Variants in GULP1 observed in about 807,000 individuals in gnomAD.
The protein encoded by GULP1 is GULP PTB domain containing engulfment adaptor 1.
In GULP1, 19 loss-of-function variants were observed where a neutral mutation model predicts 40.9. The observed-to-expected ratio is 0.46, with a 90% CI of 0.32 to 0.68. The LOEUF is 0.68. Among genes scored for constraint, GULP1 ranks in the 30% least tolerant of loss-of-function variants. The probability of loss-of-function intolerance (pLI) is 0.03; values close to 1 mark genes in which losing one functional copy is unlikely to be tolerated. For synonymous variants in GULP1, 119 were observed against 117.6 expected (o/e 1.01, Z -0.08); for missense variants, 312 against 362.2 (o/e 0.86, Z 1.12).
chr2:188,528,268 A>T (rs1686686884), intron 5 of GULP1, among the ~76,000 whole-genome samples: 1 of 152,118 alleles, frequency 6.6e-6, no homozygotes, highest in African/African-American at 2.4e-5. Context: ...TTGTGCCTAT[A>T]TTTTAAAATT....
chr2:188,412,975 A>T (rs1029029814), intron 2 of GULP1, among the ~76,000 whole-genome samples: 2 of 152,166 alleles, frequency 1.3e-5, no homozygotes, highest in African/African-American at 4.8e-5. Flanking sequence ...AACTTACCAA[A>T]TCTATTCACA....
rs1698702293 is a variant in GULP1, at chr2:188,570,105, A to G, written c.594A>G (p.Gln198=). The G allele has an allele frequency of 4.2e-6, 6 of 1,413,604 alleles. No homozygotes were observed. The highest frequency in any genetic ancestry group is 4.7e-5 in the East Asian group (2 of 42,818). The allele number at this position is 1,413,604 out of a possible 1,614,324, so 87.6% of individuals were successfully genotyped here. A position where few individuals can be genotyped will look rare whatever the true frequency, so the allele number is the denominator to read the frequency against. The change falls in exon 9 of 12, where the codon CAA becomes CAG. Residue 198 remains glutamine (Q), a synonymous_variant. Transcript: ENST00000409830. ...QDLENQLRIT[Q]VSAPPAGSMT... Reference sequence around the variant, plus strand: ...TGGAAAACCAACTGAGAATAACTCAAGTATCAGCACCTCCAGTGAGTATAT... The same window carrying G: ...TGGAAAACCAACTGAGAATAACTCAGGTATCAGCACCTCCAGTGAGTATAT...
intron 5 of GULP1, among the ~76,000 whole-genome samples, chr2:188,528,218 T>C (rs180934441): frequency 2.0e-5 from 3 of 152,244 alleles, no homozygotes; most frequent in African/African-American, 7.2e-5. Flanking sequence ...AAATATTGCA[T>C]GGGCTAACGT....
intron 1 of GULP1, among the ~76,000 whole-genome samples, chr2:188,326,232 A>G (rs2040743183): frequency 6.6e-6 from 1 of 152,142 alleles, no homozygotes; most frequent in Admixed American, 6.6e-5. Context: ...ATATTTCATT[A>G]TACATACTAT....
chr2:188,446,063 A>G (rs904123576), intron 2 of GULP1, among the ~76,000 whole-genome samples: 2 of 152,192 alleles, frequency 1.3e-5, no homozygotes, highest in African/African-American at 2.4e-5. Context: ...AGAAAGGCTA[A>G]AATGACCCAT....
chr2:188,412,798 C>A (rs1489137367), intron 2 of GULP1, among the ~76,000 whole-genome samples: 1 of 152,134 alleles, frequency 6.6e-6, no homozygotes, highest in African/African-American at 2.4e-5. Flanking sequence ...TCATGTGACA[C>A]AGGAATAAAG....
intron 2 of GULP1, among the ~76,000 whole-genome samples, chr2:188,396,036 GTT>G (rs752697817): frequency 1.1e-4 from 17 of 152,192 alleles, no homozygotes; most frequent in Non-Finnish European, 1.9e-4. Flanking sequence ...TCAGACACAA[GTT>G]TTTCCATCCT....
chr2:188,437,246 A>G (rs1251322765), intron 2 of GULP1, among the ~76,000 whole-genome samples: 1 of 151,980 alleles, frequency 6.6e-6, no homozygotes, highest in Non-Finnish European at 1.5e-5. Flanking sequence ...TAAAATCTAA[A>G]TTTTTTCATT....
intron 1 of GULP1, among the ~76,000 whole-genome samples, chr2:188,310,674 G>C (rs2037937346): frequency 6.6e-6 from 1 of 152,174 alleles, no homozygotes. Flanking sequence ...CTGAGATGGA[G>C]ATGGATTTGA....
At chr2:188,519,034 A>G (rs1050735826) in intron 4 of GULP1, among the ~76,000 whole-genome samples, 1 of 152,160 alleles carries the variant, frequency 6.6e-6, no homozygotes, top group Non-Finnish European at 1.5e-5. Context: ...TAATCTATAT[A>G]TCATGATTTT....
intron 4 of GULP1, among the ~76,000 whole-genome samples, chr2:188,499,685 A>G (rs769430130): frequency 1.3e-5 from 2 of 151,820 alleles, no homozygotes; most frequent in Non-Finnish European, 2.9e-5. Context: ...GTTCTTTTCA[A>G]ATCTTAAATT....
chr2:188,382,815 A>C (rs983783425), intron 1 of GULP1, among the ~76,000 whole-genome samples: 2 of 152,150 alleles, frequency 1.3e-5, no homozygotes, highest in Non-Finnish European at 2.9e-5. Context: ...TACATTGAAC[A>C]AATAGGTCAA....
At chr2:188,556,861 A>C (rs1694892132) in intron 7 of GULP1, among the ~76,000 whole-genome samples, 1 of 152,018 alleles carries the variant, frequency 6.6e-6, no homozygotes, top group Non-Finnish European at 1.5e-5. Flanking sequence ...GTCTCTACTA[A>C]AAAAGACAAA....
intron 4 of GULP1, 67 bp downstream of exon 4, chr2:188,483,559 C>T: frequency 1.6e-6 from 1 of 607,932 alleles, no homozygotes; most frequent in South Asian, 2.8e-5. Flanking sequence ...CATGGCTAAT[C>T]TCAGATTGCT....
chr2:188,361,177 C>G (rs1263718089), intron 1 of GULP1, among the ~76,000 whole-genome samples: 1 of 151,990 alleles, frequency 6.6e-6, no homozygotes, highest in African/African-American at 2.4e-5. Context: ...TTGTTTTTGT[C>G]AATCATTTAT....
At chr2:188,514,825 G>A (rs1009315372) in intron 4 of GULP1, among the ~76,000 whole-genome samples, 7 of 152,078 alleles carry the variant, frequency 4.6e-5, no homozygotes, top group Non-Finnish European at 7.4e-5. Flanking sequence ...TTTGGGATTA[G>A]CTTTTAATAT....
At chr2:188,362,837 C>T (rs1370863039) in intron 1 of GULP1, among the ~76,000 whole-genome samples, 4 of 152,030 alleles carry the variant, frequency 2.6e-5, no homozygotes, top group African/African-American at 4.8e-5. Context: ...TCAATGCACA[C>T]AGTGGCTTTT....
At chr2:188,335,775 G>T (rs1390366625) in intron 1 of GULP1, among the ~76,000 whole-genome samples, 1 of 152,156 alleles carries the variant, frequency 6.6e-6, no homozygotes, top group Non-Finnish European at 1.5e-5. Context: ...GGCAATTAAA[G>T]ATTGAAATGC....
intron 1 of GULP1, among the ~76,000 whole-genome samples, chr2:188,341,200 C>T (rs764337806): frequency 1.6e-4 from 24 of 151,996 alleles, no homozygotes; most frequent in Admixed American, 6.6e-4. Context: ...ACTTGGCTTC[C>T]GGGGAGACCT....
Sources: allele counts gnomAD v4.1 joint callset (sites outside exome capture counted in the v4.1 genomes callset), GRCh38; gene constraint gnomAD v4.1.1; transcripts MANE v1.5; gene names NCBI Gene and HGNC (gene_info 2026-07-23, HGNC 2026-07-21).